CAMTA1: variants seen among roughly 807,000 people sequenced by gnomAD.
The protein encoded by CAMTA1 is calmodulin-binding transcription activator 1.
In CAMTA1, 27 loss-of-function variants were observed where a neutral mutation model predicts 170.9. That is an observed-to-expected ratio of 0.16 (90% CI 0.12 to 0.22). The LOEUF is 0.22. Ranked by LOEUF, CAMTA1 falls within the 10% of genes least tolerant of loss-of-function variation. The probability of loss-of-function intolerance (pLI) is 1.00; values close to 1 mark genes in which losing one functional copy is unlikely to be tolerated. For synonymous variants in CAMTA1, 833 were observed against 891.5 expected (o/e 0.93, Z 1.17); for missense variants, 1,619 against 2,217.2 (o/e 0.73, Z 5.42).
intron 5 of CAMTA1, among the ~76,000 whole-genome samples, chr1:7,350,474 T>C (rs2084579586): frequency 6.6e-6 from 1 of 152,196 alleles, no homozygotes. Flanking sequence ...CAGAAAGAAC[T>C]CAAGGTGGAA....
chr1:7,669,361 T>C (rs1179374367), intron 9 of CAMTA1, among the ~76,000 whole-genome samples: 1 of 152,248 alleles, frequency 6.6e-6, no homozygotes, highest in Non-Finnish European at 1.5e-5. Flanking sequence ...TCACTCCTGC[T>C]GCAGATGCCC....
intron 6 of CAMTA1, among the ~76,000 whole-genome samples, chr1:7,611,178 G>A (rs138884711): frequency 2.0e-5 from 3 of 152,340 alleles, no homozygotes; most frequent in African/African-American, 4.8e-5. Flanking sequence ...CCATGCTCTC[G>A]GTGCAGAGTT....
chr1:7,283,324 A>G (rs1671782758), intron 5 of CAMTA1, among the ~76,000 whole-genome samples: 1 of 152,112 alleles, frequency 6.6e-6, no homozygotes, highest in African/African-American at 2.4e-5. Flanking sequence ...GAATGGATGT[A>G]TATTGTTCTG....
chr1:7,208,121 A>T (rs1014010674), intron 4 of CAMTA1, among the ~76,000 whole-genome samples: 2 of 152,240 alleles, frequency 1.3e-5, no homozygotes, highest in Admixed American at 1.3e-4. Flanking sequence ...GCAGGTGTAG[A>T]CCGGGCTTCC....
chr1:7,581,390 C>A (rs949193831), intron 6 of CAMTA1, among the ~76,000 whole-genome samples: 3 of 152,212 alleles, frequency 2.0e-5, no homozygotes, highest in Admixed American at 1.3e-4. Flanking sequence ...CTAGCACTAG[C>A]GGCTTCATTA....
At chr1:7,485,709 G>C (rs2093609124) in intron 6 of CAMTA1, among the ~76,000 whole-genome samples, 1 of 152,168 alleles carries the variant, frequency 6.6e-6, no homozygotes, top group Admixed American at 6.5e-5. Context: ...AAACCATCCG[G>C]CCCAGTGCCT....
chr1:7,572,079 C>G (rs1328414581), intron 6 of CAMTA1, among the ~76,000 whole-genome samples: 1 of 152,188 alleles, frequency 6.6e-6, no homozygotes, highest in African/African-American at 2.4e-5. Flanking sequence ...TTGCATTTCT[C>G]TAATGATTAG....
At chr1:7,013,698 C>T (rs919520302) in intron 3 of CAMTA1, among the ~76,000 whole-genome samples, 5 of 152,190 alleles carry the variant, frequency 3.3e-5, no homozygotes, top group East Asian at 3.9e-4. Context: ...CTGGACTCAC[C>T]GCCCCCCTGG....
intron 11 of CAMTA1, among the ~76,000 whole-genome samples, chr1:7,711,840 G>T (rs951401761): frequency 6.6e-6 from 1 of 152,174 alleles, no homozygotes; most frequent in Non-Finnish European, 1.5e-5. Context: ...TAAAACTGAT[G>T]ATTCTGAAAG....
intron 4 of CAMTA1, among the ~76,000 whole-genome samples, chr1:7,151,078 G>T (rs1646545020): frequency 6.6e-6 from 1 of 152,202 alleles, no homozygotes; most frequent in East Asian, 1.9e-4. Context: ...GGCCAAGAAT[G>T]AGAAAAACAC....
chr1:6,910,134 G>C (rs1473367979), intron 3 of CAMTA1, among the ~76,000 whole-genome samples: 1 of 152,222 alleles, frequency 6.6e-6, no homozygotes, highest in African/African-American at 2.4e-5. Flanking sequence ...TGTCCTCTTG[G>C]AGTTGACATG....
chr1:7,263,085 C>T (rs1001318803), intron 5 of CAMTA1, among the ~76,000 whole-genome samples: 5 of 151,742 alleles, frequency 3.3e-5, no homozygotes, highest in South Asian at 2.1e-4. Flanking sequence ...GTATTTTGGC[C>T]GCATTTTTTT....
chr1:7,146,314 G>A lies in CAMTA1; in HGVS notation c.302+54943G>A, dbSNP rs1646182617. Among the ~76,000 whole-genome samples, 2 of 152,160 alleles carry A rather than the reference G, an allele frequency of 1.3e-5. No homozygotes were observed. Among genetic ancestry groups the A allele is most frequent in the African/African-American group, 4.8e-5 (2 of 41,444 alleles). On this transcript the variant is annotated intron_variant, in intron 4 of 22. Transcript: ENST00000303635. This position sits in a 1 kb window ranked among gnomAD's most constrained non-coding sequence, Gnocchi z 4.3. The stretch of plus-strand genomic sequence containing the variant: ...TTATGTAGATCAACCAGAGCCTTGG[G>A]ATATGAGAAGTTAATTTCCACATAT...
chr1:6,810,521 C>G (rs1482842200), intron 1 of CAMTA1, among the ~76,000 whole-genome samples: 1 of 152,124 alleles, frequency 6.6e-6, no homozygotes, highest in Non-Finnish European at 1.5e-5. Flanking sequence ...AAGCTGTTAA[C>G]AGTGGCTGGG....
At position 7,717,117 on chromosome 1, in the gene CAMTA1, G is replaced by A. The variant is rs528748702; in HGVS notation, c.2915-15331G>A. On this transcript the variant is annotated intron_variant, in intron 11 of 22. Transcript: ENST00000303635. Reference sequence around the variant, plus strand: ...ATAGAATAGTCATTACCAGAGGCTGGGAATGGGGACGTCGGGGAGATGTTT... The same window carrying A: ...ATAGAATAGTCATTACCAGAGGCTGAGAATGGGGACGTCGGGGAGATGTTT... 7.2e-5 allele frequency among the ~76,000 whole-genome samples: 11 copies of A among 152,238 alleles called. No homozygotes were observed. The South Asian group carries it at 2.3e-3, about 32-fold the overall frequency.
chr1:6,787,294 G>C (rs1639686621), intron 1 of CAMTA1, among the ~76,000 whole-genome samples: 1 of 152,222 alleles, frequency 6.6e-6, no homozygotes, highest in South Asian at 2.1e-4. Flanking sequence ...GAGGTTGCTT[G>C]TGTGCTCCTT....
rs1051274572 is a variant in CAMTA1 at position 7,300,165 on chromosome 1, A to T, written c.438+50539A>T. ...AAAGCACCAGATTGAATGTCCGATG[A>T]GTCACAAATGCCCTTCTGAAAACAG... On this transcript the variant is annotated intron_variant, in intron 5 of 22. Coordinates refer to ENST00000303635, the MANE Select transcript of CAMTA1 (RefSeq NM_015215.4). This position sits in a 1 kb window ranked among gnomAD's most constrained non-coding sequence, Gnocchi z 4.1. Among the ~76,000 whole-genome samples, 14 of 152,216 alleles carry T rather than the reference A, an allele frequency of 9.2e-5. No individual in the cohort carries two copies. Among genetic ancestry groups the T allele is most frequent in the African/African-American group, 3.4e-4 (14 of 41,462 alleles).
Position 7,736,821 on chromosome 1 carries a change from G to A in CAMTA1, c.3264-110G>A, listed in dbSNP as rs2096776112. 1 of 881,420 alleles carries A rather than the reference G, an allele frequency of 1.1e-6. No individual in the cohort carries two copies. The highest frequency in any genetic ancestry group is 1.5e-5 in the South Asian group (1 of 66,146). 54.6% of individuals were successfully genotyped at this position (881,420 alleles called of 1,614,324 possible). On this transcript the variant is annotated intron_variant, in intron 13 of 22. Coordinates refer to ENST00000303635, the MANE Select transcript of CAMTA1 (RefSeq NM_015215.4). This position sits in a 1 kb window ranked among gnomAD's most constrained non-coding sequence, Gnocchi z 4.5. ...CTGGGACTCTGTTTCTTCACCATGG[G>A]GATGTTATATACCCAGTTGGGTTTC...
chr1:7,246,720 G>A (rs1391242465), intron 4 of CAMTA1, among the ~76,000 whole-genome samples: 2 of 135,154 alleles, frequency 1.5e-5, no homozygotes, highest in Non-Finnish European at 3.1e-5. Context: ...AGGCCAGAGT[G>A]CCGTGGCACG....
Sources: allele counts gnomAD v4.1 joint callset (sites outside exome capture counted in the v4.1 genomes callset), GRCh38; gene constraint gnomAD v4.1.1; non-coding constraint Gnocchi (gnomAD v3.1); transcripts MANE v1.5; gene names NCBI Gene and HGNC (gene_info 2026-07-23, HGNC 2026-07-21).